HSPG2: variants seen among roughly 807,000 people sequenced by gnomAD.
HSPG2 encodes the protein heparan sulfate proteoglycan 2, also known as basement membrane-specific heparan sulfate proteoglycan core protein.
Under a neutral mutation model 526.6 loss-of-function variants are expected in HSPG2, and 278 were observed. The observed-to-expected ratio is 0.53, with a 90% CI of 0.48 to 0.58. The LOEUF (loss-of-function observed/expected upper bound fraction) is 0.58. HSPG2 is among the 20% of genes least tolerant of loss of function. The pLI is 0.00. For missense variants in HSPG2, 5,354 were observed against 6,099.5 expected, an observed-to-expected ratio of 0.88 and a Z score of 4.07; for synonymous variants, 2,465 against 2,555.4, an observed-to-expected ratio of 0.96 and a Z score of 1.07.
rs752100656 is a variant in HSPG2, at chr1:21,839,460, C to T, written c.9800G>A (p.Arg3267Gln). 5 of 1,613,916 alleles carry T rather than the reference C, an allele frequency of 3.1e-6. No individual in the cohort carries two copies. The highest frequency in any genetic ancestry group is 1.7e-5 in the Admixed American group (1 of 59,998). ...CTGGCCCGAGTCCTGCTGGGCTACC[C>T]GGGGTATGATGAGTGTGTCACCTTC... is the stretch of plus-strand genomic sequence containing the variant. Reference protein sequence around the residue: ...RLEGDTLIIPRVAQQDSGQYI... With the variant: ...RLEGDTLIIPQVAQQDSGQYI... The change falls in exon 73 of 97, where the codon CGG becomes CAG. Residue 3267 changes from arginine to glutamine, a missense_variant. Transcript: ENST00000374695. The surrounding 1 kb of genome is among the most constrained non-coding windows in gnomAD (Gnocchi z 4.5).
rs113035731 is a variant in HSPG2, at chr1:21,849,945, C to T, written c.7446+96G>A. 35,518 of 1,494,596 alleles carry T rather than the reference C, an allele frequency of 0.024. 633 individuals carry two copies. Among genetic ancestry groups the T allele is most frequent in the African/African-American group, 0.088 (6,406 of 72,754 alleles). The allele number at this position is 1,494,596 out of a possible 1,614,324, so 92.6% of individuals were successfully genotyped here. On this transcript the variant is annotated intron_variant, in intron 57 of 96. Transcript: ENST00000374695. Reference sequence around the variant, plus strand: ...TTCCTGCCTTGGCCTCCCAAAGTGCCGGGATTACAGGCGTGAGCCACTGCG... The same window carrying T: ...TTCCTGCCTTGGCCTCCCAAAGTGCTGGGATTACAGGCGTGAGCCACTGCG...
Position 21,850,378 on chromosome 1 carries a change from C to G in HSPG2, c.7279G>C (p.Ala2427Pro). The G allele has an allele frequency of 6.2e-7, 1 of 1,609,036 alleles. No individual in the cohort carries two copies. The highest frequency in any genetic ancestry group is 8.5e-7 in the Non-Finnish European group (1 of 1,178,078). ...AGCTACTCACCAGGCACTGAGCCCG[C>G]AGGCTCAATGGTGACCAGGACAGAG... ...EASVLVTIEP[A>P]GSVPALGVTP... The change falls in exon 56 of 97, where the codon GCG (alanine) becomes CCG (proline). Residue 2427 changes from alanine to proline, a missense_variant. Physicochemically the swap from Ala to Pro is conservative, Grantham distance 27. Coordinates refer to ENST00000374695, the MANE Select transcript of HSPG2 (RefSeq NM_005529.7).
At chr1:21,850,611 T>A in intron 55 of HSPG2, 113 bp from the exon 56 acceptor site, 1 of 1,270,566 alleles carries the variant, frequency 7.9e-7, no homozygotes, top group East Asian at 2.6e-5. Flanking sequence ...CTGGATCAGT[T>A]TCCCTGTCCT....
In HSPG2 at chr1:21,895,822, AC is replaced by A. The variant is rs1410295951; in HGVS notation, c.244+99del. On this transcript the variant is annotated intron_variant, in intron 3 of 96. Coordinates refer to ENST00000374695, the MANE Select transcript of HSPG2 (RefSeq NM_005529.7). This position sits in a 1 kb window ranked among gnomAD's most constrained non-coding sequence, Gnocchi z 4.1. ...TCACACCCACTTCTTCTTGCTTTGT[AC>A]CCCAGGGCAGGCCCAAGGAGCCCTC... 12 of 1,063,444 alleles carry A rather than the reference AC, an allele frequency of 1.1e-5. No individual in the cohort carries two copies. Among genetic ancestry groups the A allele is most frequent in the Non-Finnish European group, 1.8e-5 (12 of 684,062 alleles). The allele number at this position is 1,063,444 out of a possible 1,614,324, so 65.9% of individuals were successfully genotyped here. A position where few individuals can be genotyped will look rare whatever the true frequency, so the allele number is the denominator to read the frequency against.
chr1:21,859,883 G>C lies in HSPG2; in HGVS notation c.5134C>G (p.Arg1712Gly), dbSNP rs375031442. 3 of 1,611,166 alleles carry C rather than the reference G, an allele frequency of 1.9e-6. No homozygotes were observed. The highest frequency in any genetic ancestry group is 2.5e-6 in the Non-Finnish European group (3 of 1,179,596). Residue 1712 changes from arginine (R) to glycine (G), a missense_variant, in exon 41 of 97, where the codon CGT becomes GGT. Physicochemically the swap from Arg to Gly is moderately radical, Grantham distance 125. Transcript: ENST00000374695. This position sits in a 1 kb window ranked among gnomAD's most constrained non-coding sequence, Gnocchi z 5.3. ...CTGGGCACAGGCCGCCCATCCTCAC[G>C]GGACCAATAGAAGTAGTGGGGTGGG... ...GSPPHYFYWS[R>G]EDGRPVPSGT...
chr1:21,902,841 A>T (rs1643174114), intron 1 of HSPG2, among the ~76,000 whole-genome samples: 1 of 152,220 alleles, frequency 6.6e-6, no homozygotes, highest in Non-Finnish European at 1.5e-5. Context: ...GCCTTGGACA[A>T]GCCCCTGCCT....
chr1:21,860,961 G>A (rs1371562367), intron 39 of HSPG2, among the ~76,000 whole-genome samples: 1 of 152,240 alleles, frequency 6.6e-6, no homozygotes, highest in Non-Finnish European at 1.5e-5. Flanking sequence ...CGGGTGCAGA[G>A]GAGGGCACTG....
chr1:21,895,806 C>T lies in HSPG2; in HGVS notation c.244+116G>A. On this transcript the variant is annotated intron_variant, in intron 3 of 96. Coordinates refer to ENST00000374695, the MANE Select transcript of HSPG2 (RefSeq NM_005529.7). The surrounding 1 kb of genome is among the most constrained non-coding windows in gnomAD (Gnocchi z 4.1). Reference sequence around the variant, plus strand: ...TCAGCAGGTTAAGAGATCACACCCACTTCTTCTTGCTTTGTACCCCAGGGC... The same window carrying T: ...TCAGCAGGTTAAGAGATCACACCCATTTCTTCTTGCTTTGTACCCCAGGGC... 1 of 937,672 alleles carries T rather than the reference C, an allele frequency of 1.1e-6. No individual in the cohort carries two copies. The highest frequency in any genetic ancestry group is 1.7e-6 in the Non-Finnish European group (1 of 575,786). 58.1% of individuals were successfully genotyped at this position (937,672 alleles called of 1,614,324 possible).
rs748646176 is a variant in HSPG2, at chr1:21,890,255, A to G, written c.414-114T>C. 5.3e-5 allele frequency: 74 copies of G among 1,396,736 alleles called. No individual in the cohort carries two copies. Among genetic ancestry groups the G allele is most frequent in the Non-Finnish European group, 7.2e-5 (71 of 989,334 alleles). The allele number at this position is 1,396,736 out of a possible 1,614,324, so 86.5% of individuals were successfully genotyped here. On this transcript the variant is annotated intron_variant, in intron 5 of 96. Transcript: ENST00000374695. This position sits in a 1 kb window ranked among gnomAD's most constrained non-coding sequence, Gnocchi z 4.1. ...CCTGTTCCGGGACAGCCTGTACCCA[A>G]AGAAGGGCAACTAAAGGTCCCAATG... is the stretch of plus-strand genomic sequence containing the variant.
At position 21,890,219 on chromosome 1, in the gene HSPG2, G is replaced by A. The variant is rs944997562; in HGVS notation, c.414-78C>T. 1.7e-5 allele frequency: 27 copies of A among 1,554,106 alleles called. No individual in the cohort carries two copies. The highest frequency in any genetic ancestry group is 4.5e-5 in the East Asian group (2 of 44,630). On this transcript the variant is annotated intron_variant, in intron 5 of 96. Transcript: ENST00000374695. This position sits in a 1 kb window ranked among gnomAD's most constrained non-coding sequence, Gnocchi z 4.1. ...AGCTCCTCCATGAGGCTCCCGCCCC[G>A]ACGCTCAGGCCCTGTTCCGGGACAG...
chr1:21,887,128 T>TGGGGGCGGGGC lies in HSPG2; in HGVS notation c.1078+86_1078+87insGCCCCGCCCCC. On this transcript the variant is annotated intron_variant, in intron 9 of 96. Coordinates refer to ENST00000374695, the MANE Select transcript of HSPG2 (RefSeq NM_005529.7). The surrounding 1 kb of genome is among the most constrained non-coding windows in gnomAD (Gnocchi z 5.0). Reference sequence around the variant, plus strand: ...GAGGGGGGAAAGCGGAGGGGCAGGGTAGGGGCGGGGCAGGAGTGGAAGGCG... The same window carrying TGGGGGCGGGGC: ...GAGGGGGGAAAGCGGAGGGGCAGGGTGGGGGCGGGGCAGGGGCGGGGCAGGAGTGGAAGGCG... The TGGGGGCGGGGC allele has an allele frequency of 8.8e-7, 1 of 1,130,090 alleles. No individual in the cohort carries two copies. Among genetic ancestry groups the TGGGGGCGGGGC allele is most frequent in the Non-Finnish European group, 1.2e-6 (1 of 847,534 alleles). 70.0% of individuals were successfully genotyped at this position (1,130,090 alleles called of 1,614,324 possible). A position where few individuals can be genotyped will look rare whatever the true frequency, so the allele number is the denominator to read the frequency against.
At chr1:21,873,206 A>G in intron 30 of HSPG2, 115 bp from the exon 31 acceptor site, 2 of 1,128,678 alleles carry the variant, frequency 1.8e-6, no homozygotes, top group Non-Finnish European at 2.7e-6. Context: ...AGTACTCAAC[A>G]CTCTCACGAC....
chr1:21,842,099 G>T lies in HSPG2; in HGVS notation c.9096C>A (p.Thr3032=), dbSNP rs749580877. Residue 3032 remains threonine, a synonymous_variant, in exon 69 of 97, where the codon ACC becomes ACA. Coordinates refer to ENST00000374695, the MANE Select transcript of HSPG2 (RefSeq NM_005529.7). The stretch of plus-strand genomic sequence containing the variant: ...AGCTGGCATCCTGGCCCTGCTGCAC[G>T]GTGCTGCTGGGCGGGTCGATGGAGA... ...PVISIDPPSS[T]VQQGQDASFK... is the part of the protein sequence containing the mutation. The T allele has an allele frequency of 3.7e-6, 6 of 1,613,554 alleles. No individual in the cohort carries two copies. Among genetic ancestry groups the T allele is most frequent in the Non-Finnish European group, 5.1e-6 (6 of 1,180,026 alleles).
rs1642744261 is a variant in HSPG2, at chr1:21,896,309, A to T, written c.65T>A (p.Val22Glu). The T allele has an allele frequency of 6.2e-7, 1 of 1,612,992 alleles. No individual in the cohort carries two copies. The highest frequency in any genetic ancestry group is 1.3e-5 in the African/African-American group (1 of 75,008). Reference protein sequence around the residue: ...ALLLHGRLLAVTHGLRAYDGL... With the variant: ...ALLLHGRLLAETHGLRAYDGL... ...ATCGTATGCCCTCAGCCCATGGGTC[A>T]CCTGTAAGCAAACGAGAGCTGATTG... Residue 22 changes from valine (V) to glutamate (E), a missense_variant and splice_region_variant, in exon 2 of 97, where the codon GTG becomes GAG. Val to Glu is a moderately radical substitution (Grantham distance 121). Coordinates refer to ENST00000374695, the MANE Select transcript of HSPG2 (RefSeq NM_005529.7).
At chr1:21,934,749 C>T (rs2152807608) in intron 1 of HSPG2, among the ~76,000 whole-genome samples, 1 of 151,964 alleles carries the variant, frequency 6.6e-6, no homozygotes, top group Non-Finnish European at 1.5e-5. Flanking sequence ...GTACGTGCCA[C>T]CATGCCTGGC....
intron 39 of HSPG2, 104 bp downstream of exon 39, chr1:21,861,653 C>G: frequency 9.5e-7 from 1 of 1,047,566 alleles, no homozygotes; most frequent in South Asian, 1.4e-5. Flanking sequence ...AGGGAAGGAG[C>G]ATAATCCTAG....
At position 21,890,921 on chromosome 1, in the gene HSPG2, G is replaced by T. The variant is rs565520706; in HGVS notation, c.245-227C>A. ...AGGGGCTTTAACTAACAGGGGAAAT[G>T]GCCTGATCCAGAAACCAAGTGCTAG... On this transcript the variant is annotated intron_variant, in intron 3 of 96. Coordinates refer to ENST00000374695, the MANE Select transcript of HSPG2 (RefSeq NM_005529.7). This position sits in a 1 kb window ranked among gnomAD's most constrained non-coding sequence, Gnocchi z 4.1. Among the ~76,000 whole-genome samples, 8 of 152,338 alleles carry T rather than the reference G, an allele frequency of 5.3e-5. No individual in the cohort carries two copies. The highest frequency in any genetic ancestry group is 1.9e-4 in the African/African-American group (8 of 41,570).
At chr1:21,891,619 C>CT (rs904524650) in intron 3 of HSPG2, among the ~76,000 whole-genome samples, 27 of 126,940 alleles carry the variant, frequency 2.1e-4, no homozygotes, top group East Asian at 1.4e-3. Flanking sequence ...TCTGTTGTTT[C>CT]TTTTTTTTTT....
In HSPG2 at chr1:21,848,265, G is replaced by A. The variant is rs1016134735; in HGVS notation, c.7738-172C>T. Among the ~76,000 whole-genome samples, 3 of 152,110 alleles carry A rather than the reference G, an allele frequency of 2.0e-5. No homozygotes were observed. The highest frequency in any genetic ancestry group is 4.4e-5 in the Non-Finnish European group (3 of 68,000). On this transcript the variant is annotated intron_variant, in intron 59 of 96. Coordinates refer to ENST00000374695, the MANE Select transcript of HSPG2 (RefSeq NM_005529.7). The surrounding 1 kb of genome is among the most constrained non-coding windows in gnomAD (Gnocchi z 4.9). Reference sequence around the variant, plus strand: ...GGCCTGTCTCTGGGCTGGGGTGGACGTCTAGCCTTTTGTCACCCCTCCAGA... The same window carrying A: ...GGCCTGTCTCTGGGCTGGGGTGGACATCTAGCCTTTTGTCACCCCTCCAGA...
Sources: gnomAD v4.1 joint callset for allele counts (sites outside exome capture counted in the v4.1 genomes callset) on GRCh38, gnomAD v4.1.1 for gene constraint, Gnocchi (gnomAD v3.1) non-coding constraint, MANE v1.5 for transcripts, NCBI Gene and HGNC (gene_info 2026-07-23, HGNC 2026-07-21) for gene names.